Variants in TSPEAR observed in about 807,000 individuals in gnomAD.
TSPEAR encodes the protein thrombospondin-type laminin G domain and EAR repeat-containing protein.
Under a neutral mutation model 71.6 loss-of-function variants are expected in TSPEAR, and 69 were observed. The observed-to-expected ratio is 0.96, with a 90% CI of 0.79 to 1.18. The LOEUF (loss-of-function observed/expected upper bound fraction) is 1.18, where lower values mean the gene tolerates loss of function less well. TSPEAR is among the 50% of genes most tolerant of loss of function. The pLI is 0.00. For missense variants in TSPEAR, 971 were observed against 894.9 expected (o/e 1.09, Z -1.09); for synonymous variants, 402 against 387.2 (o/e 1.04, Z -0.45).
chr21:44,540,209 T>C, intron 2 of TSPEAR: 1 of 1,583,124 alleles, frequency 6.3e-7, no homozygotes, highest in Non-Finnish European at 8.6e-7. Flanking sequence ...TGGGAGTCAG[T>C]GTGTGTGTGA....
chr21:44,643,110 C>T (rs1209440911), intron 1 of TSPEAR, among the ~76,000 whole-genome samples: 1 of 152,162 alleles, frequency 6.6e-6, no homozygotes, highest in Non-Finnish European at 1.5e-5. Context: ...TCATCTGTGA[C>T]AACATGGATG....
intron 1 of TSPEAR, among the ~76,000 whole-genome samples, chr21:44,643,317 T>C (rs1984124010): frequency 6.6e-6 from 1 of 152,192 alleles, no homozygotes; most frequent in Non-Finnish European, 1.5e-5. Context: ...GATGAGTCAG[T>C]TCTGGAAACC....
chr21:44,593,771 C>T lies in TSPEAR; in HGVS notation c.83-25766G>A, dbSNP rs1303687134. 1.3e-5 allele frequency among the ~76,000 whole-genome samples: 2 copies of T among 152,236 alleles called. No homozygotes were observed. The highest frequency in any genetic ancestry group is 6.5e-5 in the Admixed American group (1 of 15,284). Reference sequence around the variant, plus strand: ...CCCTACACTGAGAGGACGGACTCTGCTCTCACGCCACAGCTGCTGTTTTTC... The same window carrying T: ...CCCTACACTGAGAGGACGGACTCTGTTCTCACGCCACAGCTGCTGTTTTTC... On this transcript the variant is annotated intron_variant, in intron 1 of 11. Coordinates refer to ENST00000323084, the MANE Select transcript of TSPEAR (RefSeq NM_144991.3). This position sits in a 1 kb window ranked among gnomAD's most constrained non-coding sequence, Gnocchi z 5.9.
chr21:44,608,484 T>C (rs1193362909), intron 1 of TSPEAR, among the ~76,000 whole-genome samples: 2 of 152,234 alleles, frequency 1.3e-5, no homozygotes, highest in Non-Finnish European at 2.9e-5. Context: ...AAGCCAGTTA[T>C]TGAACGTTCA....
chr21:44,691,408 G>A (rs933794951), intron 1 of TSPEAR, among the ~76,000 whole-genome samples: 2 of 151,978 alleles, frequency 1.3e-5, no homozygotes, highest in Non-Finnish European at 2.9e-5. Context: ...GTCCCCATCC[G>A]TACACTAAGA....
At chr21:44,641,075 T>C (rs140408276) in intron 1 of TSPEAR, among the ~76,000 whole-genome samples, 218 of 152,352 alleles carry the variant, frequency 1.4e-3, no homozygotes, top group Middle Eastern at 3.4e-3. Flanking sequence ...GCATCAGCTC[T>C]GGATGCAGAA....
At chr21:44,638,959 T>C (rs1048462407) in intron 1 of TSPEAR, among the ~76,000 whole-genome samples, 3 of 151,778 alleles carry the variant, frequency 2.0e-5, no homozygotes, top group Admixed American at 6.6e-5. Flanking sequence ...TCCTCCACAG[T>C]AAGACATTGG....
In TSPEAR at chr21:44,499,487, C is replaced by T. The variant is rs587741717; in HGVS notation, c.*296G>A. On this transcript the variant is annotated 3_prime_UTR_variant, in exon 12 of 12. Transcript: ENST00000323084. ...TGTTTGAGGTAAAAATGTATAGAAA[C>T]GGTTCCTTGACAGCGAAATCCCCGC... 9 of 375,790 alleles carry T rather than the reference C, an allele frequency of 2.4e-5. No homozygotes were observed. Among genetic ancestry groups the T allele is most frequent in the South Asian group, 1.3e-4 (3 of 23,756 alleles). 23.3% of individuals were successfully genotyped at this position (375,790 alleles called of 1,614,324 possible). A position where few individuals can be genotyped will look rare whatever the true frequency, so the allele number is the denominator to read the frequency against.
At chr21:44,621,262 T>C (rs782390269) in intron 1 of TSPEAR, among the ~76,000 whole-genome samples, 9 of 152,242 alleles carry the variant, frequency 5.9e-5, no homozygotes, top group Non-Finnish European at 1.2e-4. Flanking sequence ...TTAGAGAGAA[T>C]GGCTTATTGA....
At chr21:44,697,639 G>GT in intron 1 of TSPEAR, 1 of 1,610,498 alleles carries the variant, frequency 6.2e-7, no homozygotes. Flanking sequence ...TCTCCTCCCC[G>GT]TGTCAACAGT....
chr21:44,647,211 G>C (rs200871348), intron 1 of TSPEAR: 1 of 1,613,324 alleles, frequency 6.2e-7, no homozygotes, highest in Admixed American at 1.7e-5. Flanking sequence ...CCTGCTGTGT[G>C]CCCGTCTCCT....
chr21:44,669,988 A>G (rs1176410054), intron 1 of TSPEAR, among the ~76,000 whole-genome samples: 1 of 152,234 alleles, frequency 6.6e-6, no homozygotes, highest in Admixed American at 6.5e-5. Context: ...CAAGAAATGC[A>G]GAGGACCCTT....
intron 1 of TSPEAR, among the ~76,000 whole-genome samples, chr21:44,694,745 T>C (rs1434269216): frequency 6.6e-6 from 1 of 152,196 alleles, no homozygotes; most frequent in Admixed American, 6.5e-5. Context: ...GTGCCTATCA[T>C]GAAAATAATG....
rs144712654 is a variant in TSPEAR at position 44,523,547 on chromosome 21, GGTCA to G, written c.1337-1439_1337-1436del. On this transcript the variant is annotated intron_variant, in intron 8 of 11. Coordinates refer to ENST00000323084, the MANE Select transcript of TSPEAR (RefSeq NM_144991.3). ...TCTGAGGTAGTTAAGTCATTGAGAT[GGTCA>G]GTCAGTAAGTCAGTCAGTTAGGTCG... 1.7e-3 allele frequency among the ~76,000 whole-genome samples: 260 copies of G among 150,330 alleles called. 1 individual carries two copies. The highest frequency in any genetic ancestry group is 3.2e-3 in the Non-Finnish European group (216 of 67,458).
chr21:44,517,723 C>A (rs1044201691), intron 9 of TSPEAR: 30 of 469,922 alleles, frequency 6.4e-5, no homozygotes, highest in South Asian at 4.7e-4. Context: ...CCTTGTCCTG[C>A]GGGGGCTCTG....
chr21:44,563,280 A>G (rs1555921338), intron 2 of TSPEAR, among the ~76,000 whole-genome samples: 1 of 152,184 alleles, frequency 6.6e-6, no homozygotes, highest in Non-Finnish European at 1.5e-5. Flanking sequence ...AGTAATAAGT[A>G]TAACAATATA....
intron 1 of TSPEAR, among the ~76,000 whole-genome samples, chr21:44,583,801 ATG>A (rs2146107769): frequency 1.4e-4 from 1 of 7,272 alleles, no homozygotes; most frequent in African/African-American, 1.5e-4. Context: ...ACATTGTGTG[ATG>A]ATTACCACGG....
At chr21:44,683,611 A>G (rs1028035218) in intron 1 of TSPEAR, among the ~76,000 whole-genome samples, 3 of 152,288 alleles carry the variant, frequency 2.0e-5, no homozygotes, top group South Asian at 4.1e-4. Flanking sequence ...TGAGGATGCC[A>G]TGAGTTATGA....
At position 44,654,768 on chromosome 21, in the gene TSPEAR, T is replaced by A. The variant is rs1361097265; in HGVS notation, c.82+56665A>T. 1.5e-5 allele frequency: 9 copies of A among 597,444 alleles called. No homozygotes were observed. In the African/African-American group the frequency reaches 1.7e-4, roughly 11 times the overall value. 37.0% of individuals were successfully genotyped at this position (597,444 alleles called of 1,614,324 possible). On this transcript the variant is annotated intron_variant, in intron 1 of 11. Coordinates refer to ENST00000323084, the MANE Select transcript of TSPEAR (RefSeq NM_144991.3). ...TTTTTCCTCCTCTGCCCTGTCTGGT[T>A]GATCTTTCTGTGTTTTTCTGTTGAG...
Sources: allele counts gnomAD v4.1 joint callset (sites outside exome capture counted in the v4.1 genomes callset), GRCh38; gene constraint gnomAD v4.1.1; non-coding constraint Gnocchi (gnomAD v3.1); transcripts MANE v1.5; gene names NCBI Gene and HGNC (gene_info 2026-07-23, HGNC 2026-07-21).